PCDHGB5: variants seen among roughly 807,000 people sequenced by gnomAD.
PCDHGB5 encodes the protein protocadherin gamma subfamily B, 5.
PCDHGB5 carries 48 observed loss-of-function variants against 62.9 expected under a neutral mutation model. The ratio of observed to expected loss-of-function variants is 0.76; its 90% CI spans 0.61 to 0.97. PCDHGB5 has a LOEUF of 0.97. Among genes scored for constraint, PCDHGB5 ranks in the 50% least tolerant of loss-of-function variants. The probability of loss-of-function intolerance (pLI) is 0.00; values close to 1 mark genes in which losing one functional copy is unlikely to be tolerated. For missense variants in PCDHGB5, 1,118 were observed against 1,198.6 expected, an observed-to-expected ratio of 0.93 and a Z score of 0.99; for synonymous variants, 474 against 511.2, an observed-to-expected ratio of 0.93 and a Z score of 0.98.
rs201391904 is a variant in PCDHGB5, at chr5:141,494,843, G to A, written c.2434G>A (p.Ala812Thr). Residue 812 changes from alanine to threonine, a missense_variant, in exon 2 of 4, where the codon GCC becomes ACC. Transcript: ENST00000617380. ...PPNTDWRFSQ[A>T]QRPGTSGSQN... is the part of the protein sequence containing the mutation. ...CAACACGGACTGGCGTTTCTCTCAG[G>A]CCCAGAGACCCGGCACCAGCGGGTA... 1.9e-6 allele frequency: 3 copies of A among 1,614,088 alleles called. No homozygotes were observed. Among genetic ancestry groups the A allele is most frequent in the Admixed American group, 3.3e-5 (2 of 60,008 alleles).
chr5:141,490,993 C>G lies in PCDHGB5; in HGVS notation c.2398-3814C>G, dbSNP rs746618787. 1.9e-6 allele frequency: 3 copies of G among 1,614,140 alleles called. No individual in the cohort carries two copies. Among genetic ancestry groups the G allele is most frequent in the Non-Finnish European group, 2.5e-6 (3 of 1,180,030 alleles). On this transcript the variant is annotated intron_variant, in intron 1 of 3. Coordinates refer to ENST00000617380, the MANE Select transcript of PCDHGB5 (RefSeq NM_018925.3). The surrounding 1 kb of genome is among the most constrained non-coding windows in gnomAD (Gnocchi z 5.4). ...CCAGCGTCTCCCTCGCTCTGCTCCT[C>G]CTGGCTCCTTGGTCACCAAGGTGAC...
rs1019219811 is a variant in PCDHGB5, at chr5:141,420,399, T to G, written c.2397+19875T>G. ...AGAGTTCGCAAAATATAGGTCAAAT[T>G]TATGGTTATCATTATTAAAACAAAA... On this transcript the variant is annotated intron_variant, in intron 1 of 3. Transcript: ENST00000617380. 5.6e-6 allele frequency: 7 copies of G among 1,257,080 alleles called. No individual in the cohort carries two copies. In the Admixed American group the frequency reaches 1.8e-4, roughly 32 times the overall value. 77.9% of individuals were successfully genotyped at this position (1,257,080 alleles called of 1,614,324 possible).
intron 1 of PCDHGB5, among the ~76,000 whole-genome samples, chr5:141,484,184 AG>A (rs1328674334): frequency 6.6e-6 from 1 of 152,244 alleles, no homozygotes; most frequent in Non-Finnish European, 1.5e-5. Flanking sequence ...CAATCATTCA[AG>A]GAAGCTATTA....
At position 141,486,996 on chromosome 5, in the gene PCDHGB5, A is replaced by G; in HGVS notation, c.2398-7811A>G. ...TCAGGTTACAATGCTTGGGTTTCCT[A>G]TCAGCTCCTGGAGGCCCCAGATCCC... On this transcript the variant is annotated intron_variant, in intron 1 of 3. Coordinates refer to ENST00000617380, the MANE Select transcript of PCDHGB5 (RefSeq NM_018925.3). This position sits in a 1 kb window ranked among gnomAD's most constrained non-coding sequence, Gnocchi z 5.0. 6.2e-7 allele frequency: 1 copy of G among 1,614,152 alleles called. No individual in the cohort carries two copies. Among genetic ancestry groups the G allele is most frequent in the Non-Finnish European group, 8.5e-7 (1 of 1,180,032 alleles).
At chr5:141,478,759 A>G in intron 1 of PCDHGB5, 2 of 1,514,800 alleles carry the variant, frequency 1.3e-6, no homozygotes, top group African/African-American at 1.4e-5. Flanking sequence ...GGGGGAAGAT[A>G]CTTGACTCAT....
At position 141,398,380 on chromosome 5, in the gene PCDHGB5, C is replaced by G; in HGVS notation, c.253C>G (p.Leu85Val). Residue 85 changes from leucine (L) to valine (V), a missense_variant, in exon 1 of 4, where the codon CTT (leucine) becomes GTT (valine). Transcript: ENST00000617380. ...CGTGAGCGCAGAGAGCGGGGAGTTG[C>G]TTGTGAGCAGCAGGCTAGACAGGGA... ...FTVSAESGELLVSSRLDREEI... is the reference protein window; with the variant it reads ...FTVSAESGELVVSSRLDREEI... The G allele has an allele frequency of 6.9e-7, 1 of 1,455,908 alleles. No individual in the cohort carries two copies. Among genetic ancestry groups the G allele is most frequent in the South Asian group, 1.2e-5 (1 of 85,468 alleles). The allele number at this position is 1,455,908 out of a possible 1,614,324, so 90.2% of individuals were successfully genotyped here.
At position 141,485,464 on chromosome 5, in the gene PCDHGB5, G is replaced by A. The variant is rs2099614016; in HGVS notation, c.2398-9343G>A. ...CAATCGACCGAGAGGCACTGTGTGG[G>A]CTCAGTGCCAGCTGCATCGTGCCCC... is the stretch of plus-strand genomic sequence containing the variant. On this transcript the variant is annotated intron_variant, in intron 1 of 3. Coordinates refer to ENST00000617380, the MANE Select transcript of PCDHGB5 (RefSeq NM_018925.3). The surrounding 1 kb of genome is among the most constrained non-coding windows in gnomAD (Gnocchi z 5.7). 6.2e-7 allele frequency: 1 copy of A among 1,614,106 alleles called. No homozygotes were observed. The highest frequency in any genetic ancestry group is 8.5e-7 in the Non-Finnish European group (1 of 1,179,958).
rs2099883748 is a variant in PCDHGB5 at position 141,511,359 on chromosome 5, T to A, written c.*186T>A. On this transcript the variant is annotated 3_prime_UTR_variant, in exon 4 of 4. Transcript: ENST00000617380. ...CACCTACCCCTTCCCCCCCAGGGGGTTGAATATGCAAAAGCAGTTCCGCTG... is the reference window on the plus strand; with the variant it reads ...CACCTACCCCTTCCCCCCCAGGGGGATGAATATGCAAAAGCAGTTCCGCTG... 2 of 1,339,338 alleles carry A rather than the reference T, an allele frequency of 1.5e-6. No individual in the cohort carries two copies. Among genetic ancestry groups the A allele is most frequent in the Non-Finnish European group, 2.0e-6 (2 of 1,000,492 alleles). The allele number at this position is 1,339,338 out of a possible 1,614,324, so 83.0% of individuals were successfully genotyped here. A position where few individuals can be genotyped will look rare whatever the true frequency, so the allele number is the denominator to read the frequency against.
chr5:141,491,483 A>ACCTGCAGGTGAGCTCGG lies in PCDHGB5; in HGVS notation c.2398-3323_2398-3307dup. The ACCTGCAGGTGAGCTCGG allele has an allele frequency of 3.1e-6, 5 of 1,614,018 alleles. No individual in the cohort carries two copies. The highest frequency in any genetic ancestry group is 4.2e-6 in the Non-Finnish European group (5 of 1,180,012). ...GACTTCTATAAGCAGTCCAGCCCCAACCTGCAGGTGAGCTCGGACGGCACG... is the reference window on the plus strand; with the variant it reads ...GACTTCTATAAGCAGTCCAGCCCCAACCTGCAGGTGAGCTCGGCCTGCAGGTGAGCTCGGACGGCACG... On this transcript the variant is annotated intron_variant, in intron 1 of 3. Coordinates refer to ENST00000617380, the MANE Select transcript of PCDHGB5 (RefSeq NM_018925.3). The surrounding 1 kb of genome is among the most constrained non-coding windows in gnomAD (Gnocchi z 6.9).
At chr5:141,419,348 G>A (rs1195474899) in intron 1 of PCDHGB5, 1 of 1,613,816 alleles carries the variant, frequency 6.2e-7, no homozygotes, top group Non-Finnish European at 8.5e-7. Context: ...CAGCGACCTG[G>A]AGTCACGAAC....
chr5:141,502,601 A>G (rs2099815205), intron 2 of PCDHGB5, among the ~76,000 whole-genome samples: 1 of 152,218 alleles, frequency 6.6e-6, no homozygotes, highest in Non-Finnish European at 1.5e-5. Flanking sequence ...ATATTTTAAA[A>G]TATTTGTGAA....
chr5:141,419,561 G>T, intron 1 of PCDHGB5: 1 of 1,611,846 alleles, frequency 6.2e-7, no homozygotes. Flanking sequence ...CCCTGCGCTG[G>T]GTCCCGACGG....
At chr5:141,448,692 G>A (rs913533738) in intron 1 of PCDHGB5, among the ~76,000 whole-genome samples, 6 of 152,072 alleles carry the variant, frequency 3.9e-5, no homozygotes, top group African/African-American at 9.7e-5. Context: ...TGTAATCGCA[G>A]CACTTTGGGA....
intron 1 of PCDHGB5, chr5:141,430,849 G>A: frequency 6.3e-7 from 1 of 1,582,030 alleles, no homozygotes; most frequent in Non-Finnish European, 8.6e-7. Flanking sequence ...GATGCACCCA[G>A]ATACGCTATT....
In PCDHGB5 at chr5:141,432,976, C is replaced by A. The variant is rs373558125; in HGVS notation, c.2397+32452C>A. The stretch of plus-strand genomic sequence containing the variant: ...GCTTGACAGGAGCGCCGGCGTCGCA[C>A]TTTGTGGGCGTGGACGGGGTGCAGG... On this transcript the variant is annotated intron_variant, in intron 1 of 3. Coordinates refer to ENST00000617380, the MANE Select transcript of PCDHGB5 (RefSeq NM_018925.3). This position sits in a 1 kb window ranked among gnomAD's most constrained non-coding sequence, Gnocchi z 6.0. 1 of 1,614,210 alleles carries A rather than the reference C, an allele frequency of 6.2e-7. No individual in the cohort carries two copies.
chr5:141,403,527 C>G lies in PCDHGB5; in HGVS notation c.2397+3003C>G. The G allele has an allele frequency of 3.1e-6, 5 of 1,614,022 alleles. No homozygotes were observed. The South Asian group carries it at 5.5e-5, about 18-fold the overall frequency. The stretch of plus-strand genomic sequence containing the variant: ...ACTGGAGACAATGGAGCCATAAACC[C>G]AGAGCTGGTGCTGGAGCGCGCCCTG... On this transcript the variant is annotated intron_variant, in intron 1 of 3. Coordinates refer to ENST00000617380, the MANE Select transcript of PCDHGB5 (RefSeq NM_018925.3).
intron 2 of PCDHGB5, among the ~76,000 whole-genome samples, chr5:141,503,085 C>T (rs1284066265): frequency 6.6e-6 from 1 of 152,044 alleles, no homozygotes; most frequent in Non-Finnish European, 1.5e-5. Context: ...GATCTCCTGA[C>T]CTCGTGGTCT....
chr5:141,510,420 G>A (rs1275392355), intron 3 of PCDHGB5, among the ~76,000 whole-genome samples: 2 of 152,126 alleles, frequency 1.3e-5, no homozygotes, highest in Non-Finnish European at 2.9e-5. Flanking sequence ...TAAAGCCATG[G>A]TTTCATGGCT....
rs1395195387 is a variant in PCDHGB5, at chr5:141,400,008, C to A, written c.1881C>A (p.Ala627=). The change falls in exon 1 of 4, where the codon GCC becomes GCA. Residue 627 remains alanine (A), a synonymous_variant. Transcript: ENST00000617380. ...CAGGAGAGGTGCGCACAGCGCGTGC[C>A]TTGGGCGACAGGGACGCGGCCCGCC... ...LRTGEVRTAR[A]LGDRDAARQR... 6.2e-7 allele frequency: 1 copy of A among 1,612,692 alleles called. No individual in the cohort carries two copies. The highest frequency in any genetic ancestry group is 1.1e-5 in the South Asian group (1 of 90,994).
Sources: allele counts gnomAD v4.1 joint callset (sites outside exome capture counted in the v4.1 genomes callset), GRCh38; gene constraint gnomAD v4.1.1; non-coding constraint Gnocchi (gnomAD v3.1); transcripts MANE v1.5; gene names NCBI Gene and HGNC (gene_info 2026-07-23, HGNC 2026-07-21).